ZC3H6: variants seen among roughly 807,000 people sequenced by gnomAD.
ZC3H6 encodes the protein zinc finger CCCH domain-containing protein 6.
Under a neutral mutation model 107.7 loss-of-function variants are expected in ZC3H6, and 40 were observed. That is an observed-to-expected ratio of 0.37 (90% CI 0.29 to 0.48). ZC3H6 has a LOEUF of 0.48. Ranked by LOEUF, ZC3H6 falls within the 20% of genes least tolerant of loss-of-function variation. The pLI is 0.98. For missense variants in ZC3H6, 1,267 were observed against 1,410.4 expected, an observed-to-expected ratio of 0.90 and a Z score of 1.63; for synonymous variants, 493 against 487.9, an observed-to-expected ratio of 1.01 and a Z score of -0.14.
chr2:112,305,853 C>T (rs1365118404), intron 3 of ZC3H6, among the ~76,000 whole-genome samples: 1 of 152,166 alleles, frequency 6.6e-6, no homozygotes, highest in African/African-American at 2.4e-5. Context: ...TCCTGTATAT[C>T]TTTCATCCAG....
intron 1 of ZC3H6, among the ~76,000 whole-genome samples, chr2:112,289,162 T>A (rs1676037569): frequency 6.6e-6 from 1 of 151,538 alleles, no homozygotes. Context: ...ATTCAAGCGA[T>A]TTCTGGCTAA....
At position 112,333,562 on chromosome 2, in the gene ZC3H6, G is replaced by A. The variant is rs1425073089; in HGVS notation, c.*1074G>A. The stretch of plus-strand genomic sequence containing the variant: ...GTTTTAAGTATTTAATGTCCTCATA[G>A]TGTGGAAATCCCCTAAATTGATTAG... On this transcript the variant is annotated 3_prime_UTR_variant, in exon 12 of 12. Coordinates refer to ENST00000409871, the MANE Select transcript of ZC3H6 (RefSeq NM_198581.3). 1 of 152,090 alleles carries A rather than the reference G, an allele frequency of 6.6e-6. No individual in the cohort carries two copies. Among genetic ancestry groups the A allele is most frequent in the Non-Finnish European group, 1.5e-5 (1 of 67,952 alleles). 9.4% of individuals were successfully genotyped at this position (152,090 alleles called of 1,614,324 possible).
chr2:112,291,274 G>T (rs1352209390), intron 1 of ZC3H6, among the ~76,000 whole-genome samples: 1 of 152,072 alleles, frequency 6.6e-6, no homozygotes, highest in Non-Finnish European at 1.5e-5. Context: ...CACTCTGTCG[G>T]CCAGGCTGGA....
At chr2:112,318,544 A>G (rs1054612476) in intron 7 of ZC3H6, among the ~76,000 whole-genome samples, 3 of 152,162 alleles carry the variant, frequency 2.0e-5, no homozygotes, top group Non-Finnish European at 4.4e-5. Context: ...CTTGTTCCTA[A>G]TAAGGGGAAT....
At position 112,335,665 on chromosome 2, in the gene ZC3H6, G is replaced by A. The variant is rs977561482; in HGVS notation, c.*3177G>A. On this transcript the variant is annotated 3_prime_UTR_variant, in exon 12 of 12. Coordinates refer to ENST00000409871, the MANE Select transcript of ZC3H6 (RefSeq NM_198581.3). The stretch of plus-strand genomic sequence containing the variant: ...ATAATCATTATGCTCCCATTAGGGT[G>A]CATTAAGTTGTACAAATTCCAAAAT... The A allele has an allele frequency of 5.9e-5, 9 of 152,136 alleles. No homozygotes were observed. Among genetic ancestry groups the A allele is most frequent in the Admixed American group, 4.6e-4 (7 of 15,264 alleles). The allele number at this position is 152,136 out of a possible 1,614,324, so 9.4% of individuals were successfully genotyped here. A position where few individuals can be genotyped will look rare whatever the true frequency, so the allele number is the denominator to read the frequency against.
rs570847209 is a variant in ZC3H6 at position 112,338,632 on chromosome 2, C to T, written c.*6144C>T. 2 of 151,636 alleles carry T rather than the reference C, an allele frequency of 1.3e-5. No individual in the cohort carries two copies. The highest frequency in any genetic ancestry group is 6.6e-5 in the Admixed American group (1 of 15,218). The allele number at this position is 151,636 out of a possible 1,614,324, so 9.4% of individuals were successfully genotyped here. A position where few individuals can be genotyped will look rare whatever the true frequency, so the allele number is the denominator to read the frequency against. ...AATTAGCTCTGCAGATAGTCAGGCC[C>T]CATACTTCTTGGCTCATTACTGATT... On this transcript the variant is annotated 3_prime_UTR_variant, in exon 12 of 12. Coordinates refer to ENST00000409871, the MANE Select transcript of ZC3H6 (RefSeq NM_198581.3).
intron 1 of ZC3H6, among the ~76,000 whole-genome samples, chr2:112,291,573 A>G (rs1676119536): frequency 6.6e-6 from 1 of 152,238 alleles, no homozygotes; most frequent in Non-Finnish European, 1.5e-5. Flanking sequence ...GGAATAATAC[A>G]AACACAACCA....
At chr2:112,289,577 G>T (rs1477825664) in intron 1 of ZC3H6, among the ~76,000 whole-genome samples, 1 of 70,968 alleles carries the variant, frequency 1.4e-5, no homozygotes, top group African/African-American at 4.7e-5. Context: ...CGCCTGCCTC[G>T]GCCTCCCAAA....
At chr2:112,285,501 C>T (rs1686590890) in intron 1 of ZC3H6, among the ~76,000 whole-genome samples, 4 of 151,962 alleles carry the variant, frequency 2.6e-5, no homozygotes, top group Admixed American at 2.6e-4. Flanking sequence ...GGACTACAGG[C>T]CCACAACGCC....
chr2:112,284,230 T>A (rs1197508689), intron 1 of ZC3H6, among the ~76,000 whole-genome samples: 1 of 152,284 alleles, frequency 6.6e-6, no homozygotes, highest in Non-Finnish European at 1.5e-5. Context: ...TCTACATCCT[T>A]GGACTATATA....
intron 1 of ZC3H6, among the ~76,000 whole-genome samples, chr2:112,289,311 TTTTTC>T (rs1331226639): frequency 3.5e-5 from 5 of 140,986 alleles, no homozygotes; most frequent in Admixed American, 2.8e-4. Flanking sequence ...GAACACTTTT[TTTTTC>T]TTTTTCTTTT....
rs1458178257 is a variant in ZC3H6, at chr2:112,338,913, A to G, written c.*6425A>G. The G allele has an allele frequency of 1.1e-5, 1 of 87,090 alleles. No individual in the cohort carries two copies. The highest frequency in any genetic ancestry group is 2.8e-5 in the Non-Finnish European group (1 of 36,058). The allele number at this position is 87,090 out of a possible 1,614,324, so 5.4% of individuals were successfully genotyped here. A position where few individuals can be genotyped will look rare whatever the true frequency, so the allele number is the denominator to read the frequency against. ...TATATATATATATATATATATATAT[A>G]ATTTTTTTTTTTTGAGACGGAGTCT... On this transcript the variant is annotated 3_prime_UTR_variant, in exon 12 of 12. Coordinates refer to ENST00000409871, the MANE Select transcript of ZC3H6 (RefSeq NM_198581.3).
At position 112,276,316 on chromosome 2, in the gene ZC3H6, G is replaced by A. The variant is rs746326065; in HGVS notation, c.32+290G>A. On this transcript the variant is annotated intron_variant, in intron 1 of 11. Coordinates refer to ENST00000409871, the MANE Select transcript of ZC3H6 (RefSeq NM_198581.3). ...CGGGCGGGCTCCGTGTGCGCCGGGCGGCTCTCAGCGTCCCGGCTCGGTGCT... is the reference window on the plus strand; with the variant it reads ...CGGGCGGGCTCCGTGTGCGCCGGGCAGCTCTCAGCGTCCCGGCTCGGTGCT... Among the ~76,000 whole-genome samples, 96 of 150,958 alleles carry A rather than the reference G, an allele frequency of 6.4e-4. 1 individual carries two copies. The Middle Eastern group carries it at 0.017, about 27-fold the overall frequency.
At position 112,338,431 on chromosome 2, in the gene ZC3H6, C is replaced by T. The variant is rs1198643474; in HGVS notation, c.*5943C>T. The stretch of plus-strand genomic sequence containing the variant: ...TCGTTACCCTTTGGAATAGAACAAT[C>T]ATGCTACTGTTAGCAAAATTATTGT... On this transcript the variant is annotated 3_prime_UTR_variant, in exon 12 of 12. Coordinates refer to ENST00000409871, the MANE Select transcript of ZC3H6 (RefSeq NM_198581.3). The T allele has an allele frequency of 6.6e-6, 1 of 152,162 alleles. No homozygotes were observed. The highest frequency in any genetic ancestry group is 1.5e-5 in the Non-Finnish European group (1 of 68,024). 9.4% of individuals were successfully genotyped at this position (152,162 alleles called of 1,614,324 possible). A position where few individuals can be genotyped will look rare whatever the true frequency, so the allele number is the denominator to read the frequency against.
chr2:112,338,819 CAAT>C lies in ZC3H6; in HGVS notation c.*6332_*6334del, dbSNP rs1413250104. Reference sequence around the variant, plus strand: ...ATTACCACTAATATCTTGGGGTTGTCAATGATAGACTATATATATATGTATGTA... The same window carrying C: ...ATTACCACTAATATCTTGGGGTTGTCGATAGACTATATATATATGTATGTA... On this transcript the variant is annotated 3_prime_UTR_variant, in exon 12 of 12. Coordinates refer to ENST00000409871, the MANE Select transcript of ZC3H6 (RefSeq NM_198581.3). The C allele has an allele frequency of 1.5e-5, 2 of 137,198 alleles. No individual in the cohort carries two copies. The highest frequency in any genetic ancestry group is 4.1e-4 in the East Asian group (2 of 4,830). The allele number at this position is 137,198 out of a possible 1,614,324, so 8.5% of individuals were successfully genotyped here.
At chr2:112,292,399 A>G (rs571172863) in intron 1 of ZC3H6, among the ~76,000 whole-genome samples, 228 of 152,362 alleles carry the variant, frequency 1.5e-3, no homozygotes, top group African/African-American at 5.2e-3. Context: ...TTTTTGTGCC[A>G]TCAGTGAAAT....
intron 1 of ZC3H6, among the ~76,000 whole-genome samples, chr2:112,277,230 C>T (rs947904805): frequency 1.3e-5 from 2 of 152,076 alleles, no homozygotes; most frequent in African/African-American, 4.8e-5. Flanking sequence ...AAGTAAAATG[C>T]ACTTTTAAAA....
At chr2:112,314,168 C>G (rs1397963267) in intron 5 of ZC3H6, among the ~76,000 whole-genome samples, 1 of 147,416 alleles carries the variant, frequency 6.8e-6, no homozygotes, top group Non-Finnish European at 1.5e-5. Flanking sequence ...CTCCCTCCAT[C>G]TCTCCCTCTT....
intron 1 of ZC3H6, among the ~76,000 whole-genome samples, chr2:112,286,786 A>G (rs1442991336): frequency 3.9e-5 from 6 of 152,144 alleles, no homozygotes; most frequent in South Asian, 2.1e-4. Context: ...TGATCATGCA[A>G]TCTCTGACCA....
Sources: allele counts gnomAD v4.1 joint callset (sites outside exome capture counted in the v4.1 genomes callset), GRCh38; gene constraint gnomAD v4.1.1; transcripts MANE v1.5; gene names NCBI Gene and HGNC (gene_info 2026-07-23, HGNC 2026-07-21).